Variants in ATXN1 observed in about 807,000 individuals in gnomAD.
ATXN1 encodes ataxin 1.
ATXN1 carries 8 observed loss-of-function variants against 56.4 expected under a neutral mutation model. The observed-to-expected ratio is 0.14, with a 90% CI of 0.08 to 0.26. The LOEUF is 0.26. ATXN1 is among the 10% of genes least tolerant of loss of function. ATXN1 has a pLI of 1.00. For missense variants in ATXN1, 987 were observed against 1,106.5 expected (o/e 0.89, Z 1.53); for synonymous variants, 514 against 494.6 (o/e 1.04, Z -0.52).
At chr6:16,373,730 T>C (rs151136530) in intron 6 of ATXN1, among the ~76,000 whole-genome samples, 3 of 152,218 alleles carry the variant, frequency 2.0e-5, no homozygotes, top group African/African-American at 7.2e-5. Context: ...CCTGCTGCCA[T>C]GTAAGACATG....
chr6:16,426,778 C>G (rs1759165287), intron 6 of ATXN1, among the ~76,000 whole-genome samples: 1 of 151,924 alleles, frequency 6.6e-6, no homozygotes, highest in African/African-American at 2.4e-5. Flanking sequence ...GTTTCCCTCC[C>G]CCTCTATCCA....
chr6:16,602,099 C>T (rs1471428967), intron 3 of ATXN1, among the ~76,000 whole-genome samples: 2 of 152,070 alleles, frequency 1.3e-5, no homozygotes. Context: ...AGCATCTGCC[C>T]CCAACAGCTA....
At chr6:16,570,489 G>A (rs1762312862) in intron 4 of ATXN1, among the ~76,000 whole-genome samples, 1 of 152,052 alleles carries the variant, frequency 6.6e-6, no homozygotes, top group Non-Finnish European at 1.5e-5. Context: ...TTTCAAGTAG[G>A]ACCCACGTAG....
At chr6:16,699,221 G>A (rs1269915327) in intron 2 of ATXN1, among the ~76,000 whole-genome samples, 2 of 152,144 alleles carry the variant, frequency 1.3e-5, no homozygotes, top group Non-Finnish European at 2.9e-5. Flanking sequence ...TACAAAAACA[G>A]CTCCAAAATT....
chr6:16,518,472 G>A (rs964401435), intron 5 of ATXN1, among the ~76,000 whole-genome samples: 2 of 152,148 alleles, frequency 1.3e-5, no homozygotes, highest in African/African-American at 4.8e-5. Flanking sequence ...GGTGGCCTGC[G>A]ACCAGGCTAG....
intron 6 of ATXN1, among the ~76,000 whole-genome samples, chr6:16,381,279 C>A (rs1758107139): frequency 6.6e-6 from 1 of 151,898 alleles, no homozygotes; most frequent in East Asian, 1.9e-4. Flanking sequence ...GAGCAAGACT[C>A]CATCATGAAA....
intron 6 of ATXN1, among the ~76,000 whole-genome samples, chr6:16,464,605 T>C (rs1355132672): frequency 6.6e-6 from 1 of 152,052 alleles, no homozygotes; most frequent in Non-Finnish European, 1.5e-5. Context: ...AACCCACCGG[T>C]AGGAACCAAC....
At chr6:16,618,342 T>C (rs1406746629) in intron 3 of ATXN1, among the ~76,000 whole-genome samples, 1 of 152,210 alleles carries the variant, frequency 6.6e-6, no homozygotes, top group Non-Finnish European at 1.5e-5. Flanking sequence ...GACAGGTTGA[T>C]AGGTACAGCA....
At position 16,384,196 on chromosome 6, in the gene ATXN1, T is replaced by G. The variant is rs1203047027; in HGVS notation, c.-160-55726A>C. On this transcript the variant is annotated intron_variant, in intron 6 of 7. Transcript: ENST00000436367. ...CTGTTTTCTCTGACTTCTCCATGGA[T>G]CCACAACAGTCAATGCTTTAAAAAA... is the stretch of plus-strand genomic sequence containing the variant. Among the ~76,000 whole-genome samples the G allele has an allele frequency of 2.6e-5, 4 of 152,236 alleles. No homozygotes were observed. In the East Asian group the frequency reaches 7.7e-4, roughly 29 times the overall value.
intron 6 of ATXN1, among the ~76,000 whole-genome samples, chr6:16,346,853 G>A (rs1178817291): frequency 6.6e-6 from 1 of 152,226 alleles, no homozygotes; most frequent in Non-Finnish European, 1.5e-5. Context: ...GCCAGAGCCG[G>A]CTCCCTCAGC....
At chr6:16,490,486 C>T (rs940777482) in intron 5 of ATXN1, among the ~76,000 whole-genome samples, 2 of 152,190 alleles carry the variant, frequency 1.3e-5, no homozygotes, top group Non-Finnish European at 2.9e-5. Flanking sequence ...AACTCTGGAG[C>T]TTGATTTCCA....
At chr6:16,744,284 T>G (rs1760445678) in intron 2 of ATXN1, among the ~76,000 whole-genome samples, 1 of 152,152 alleles carries the variant, frequency 6.6e-6, no homozygotes, top group Non-Finnish European at 1.5e-5. Flanking sequence ...CAGGGTAGCA[T>G]CGTGCCTCTC....
At chr6:16,319,377 G>A (rs1403894580) in intron 7 of ATXN1, among the ~76,000 whole-genome samples, 1 of 152,202 alleles carries the variant, frequency 6.6e-6, no homozygotes, top group Admixed American at 6.5e-5. Context: ...CCAACTGCAT[G>A]GCATTCTGGA....
chr6:16,316,100 C>T (rs1251302818), intron 7 of ATXN1, among the ~76,000 whole-genome samples: 1 of 152,190 alleles, frequency 6.6e-6, no homozygotes, highest in African/African-American at 2.4e-5. Flanking sequence ...GACTGAGCTC[C>T]GCCTCCTGTC....
At chr6:16,515,399 A>T (rs988184638) in intron 5 of ATXN1, among the ~76,000 whole-genome samples, 1 of 152,100 alleles carries the variant, frequency 6.6e-6, no homozygotes, top group Non-Finnish European at 1.5e-5. Flanking sequence ...TTACACAGTG[A>T]CCACTCCTCC....
intron 6 of ATXN1, among the ~76,000 whole-genome samples, chr6:16,415,072 A>G (rs1465703398): frequency 1.3e-5 from 2 of 152,216 alleles, no homozygotes; most frequent in Non-Finnish European, 2.9e-5. Context: ...TTTCCTAGCT[A>G]GGATACCTAC....
At chr6:16,724,131 C>T (rs927443292) in intron 2 of ATXN1, among the ~76,000 whole-genome samples, 1 of 152,154 alleles carries the variant, frequency 6.6e-6, no homozygotes, top group Non-Finnish European at 1.5e-5. Context: ...GAGGGAAGTA[C>T]ATACTTCATT....
chr6:16,671,826 A>T (rs1161964436), intron 2 of ATXN1, among the ~76,000 whole-genome samples: 1 of 152,268 alleles, frequency 6.6e-6, no homozygotes, highest in Non-Finnish European at 1.5e-5. Flanking sequence ...AACACAAATC[A>T]CATTCCCTGA....
chr6:16,489,144 G>T (rs1169027630), intron 5 of ATXN1, among the ~76,000 whole-genome samples: 1 of 152,108 alleles, frequency 6.6e-6, no homozygotes, highest in African/African-American at 2.4e-5. Flanking sequence ...AGTCTTGAAG[G>T]CTCAAAAAGT....
Sources: allele counts gnomAD v4.1 joint callset (sites outside exome capture counted in the v4.1 genomes callset), GRCh38; gene constraint gnomAD v4.1.1; transcripts MANE v1.5; gene names NCBI Gene and HGNC (gene_info 2026-07-23, HGNC 2026-07-21).